Variants in CAMK4 observed in about 807,000 individuals in gnomAD.
The protein encoded by CAMK4 is calcium/calmodulin dependent protein kinase IV.
A neutral mutation model predicts 44.9 loss-of-function variants in CAMK4; 22 were observed. The observed-to-expected ratio is 0.49, with a 90% CI of 0.35 to 0.70. CAMK4 has a LOEUF of 0.70. CAMK4 is among the 30% of genes least tolerant of loss of function. CAMK4 has a pLI of 0.01. For missense variants in CAMK4, 498 were observed against 586.8 expected (o/e 0.85, Z 1.56); for synonymous variants, 218 against 215.4 (o/e 1.01, Z -0.11).
In CAMK4 at chr5:111,485,584, T is replaced by G. The variant is rs1755584678; in HGVS notation, c.*1118T>G. On this transcript the variant is annotated 3_prime_UTR_variant, in exon 11 of 11. Coordinates refer to ENST00000282356, the MANE Select transcript of CAMK4 (RefSeq NM_001744.6). ...ATATCACTTATAAACTAAAGTTATT[T>G]ATGAAAAGCTAGTATGTCTTTTTCT... 1 of 152,186 alleles carries G rather than the reference T, an allele frequency of 6.6e-6. No individual in the cohort carries two copies. Among genetic ancestry groups the G allele is most frequent in the Admixed American group, 6.5e-5 (1 of 15,272 alleles). The allele number at this position is 152,186 out of a possible 1,614,324, so 9.4% of individuals were successfully genotyped here.
intron 2 of CAMK4, 66 bp downstream of exon 2, chr5:111,344,168 A>AT: frequency 1.0e-6 from 1 of 981,088 alleles, no homozygotes; most frequent in East Asian, 2.4e-5. Flanking sequence ...CAGGAACCTG[A>AT]TTTGAAGAAC....
intron 5 of CAMK4, among the ~76,000 whole-genome samples, chr5:111,436,678 C>T (rs1476273893): frequency 6.6e-6 from 1 of 152,166 alleles, no homozygotes; most frequent in Non-Finnish European, 1.5e-5. Flanking sequence ...TTTGAACTTG[C>T]CCACTTCTCC....
At chr5:111,334,373 G>A (rs985988891) in intron 1 of CAMK4, among the ~76,000 whole-genome samples, 1 of 151,442 alleles carries the variant, frequency 6.6e-6, no homozygotes, top group African/African-American at 2.4e-5. Flanking sequence ...AAGCATTCTA[G>A]TGTTGAAGAG....
chr5:111,370,627 A>G (rs1750967574), intron 2 of CAMK4, among the ~76,000 whole-genome samples: 1 of 152,140 alleles, frequency 6.6e-6, no homozygotes, highest in Non-Finnish European at 1.5e-5. Flanking sequence ...TGATATTAGC[A>G]AGGAAATCCT....
chr5:111,375,255 A>T (rs1751171695), intron 3 of CAMK4, among the ~76,000 whole-genome samples: 1 of 152,196 alleles, frequency 6.6e-6, no homozygotes, highest in Non-Finnish European at 1.5e-5. Flanking sequence ...CATTACTGAA[A>T]AAGCCTGTGA....
At chr5:111,310,159 C>T (rs1179955710) in intron 1 of CAMK4, among the ~76,000 whole-genome samples, 1 of 152,108 alleles carries the variant, frequency 6.6e-6, no homozygotes, top group Non-Finnish European at 1.5e-5. Context: ...GCTCCTCCGT[C>T]ATGGCCACCT....
At chr5:111,324,975 AT>A (rs1286165009) in intron 1 of CAMK4, among the ~76,000 whole-genome samples, 2 of 151,412 alleles carry the variant, frequency 1.3e-5, no homozygotes, top group Non-Finnish European at 1.5e-5. Context: ...TGCATTAGGT[AT>A]TTTCCTAATG....
Position 111,424,434 on chromosome 5 carries a change from CTTTTTTTTTTTTT to C in CAMK4, c.460-22236_460-22224del, listed in dbSNP as rs34618322. On this transcript the variant is annotated intron_variant, in intron 5 of 10. Transcript: ENST00000282356. ...TATATGCATATATGCATCTTCTATT[CTTTTTTTTTTTTT>C]TTTTTTTTTTTTTTTGAGACAGAGT... Among the ~76,000 whole-genome samples the C allele has an allele frequency of 1.2e-4, 8 of 64,908 alleles. No homozygotes were observed. In the South Asian group the frequency reaches 5.0e-3, roughly 41 times the overall value. 42.6% of individuals were successfully genotyped at this position (64,908 alleles called of 152,430 possible).
intron 5 of CAMK4, among the ~76,000 whole-genome samples, chr5:111,420,618 G>T (rs1420012224): frequency 6.6e-6 from 1 of 152,126 alleles, no homozygotes; most frequent in African/African-American, 2.4e-5. Context: ...TTTCACCCCT[G>T]CAGTCTCGAC....
intron 1 of CAMK4, among the ~76,000 whole-genome samples, chr5:111,330,671 T>G (rs1466904261): frequency 6.6e-6 from 1 of 151,740 alleles, no homozygotes; most frequent in Non-Finnish European, 1.5e-5. Flanking sequence ...CCATTTTATA[T>G]AAGGGACTTG....
intron 5 of CAMK4, among the ~76,000 whole-genome samples, chr5:111,399,488 T>C (rs1341926502): frequency 6.6e-6 from 1 of 152,206 alleles, no homozygotes; most frequent in East Asian, 1.9e-4. Flanking sequence ...TATCTCTCCA[T>C]AAAAGTAGGA....
At chr5:111,420,614 C>A (rs1169901122) in intron 5 of CAMK4, among the ~76,000 whole-genome samples, 1 of 152,090 alleles carries the variant, frequency 6.6e-6, no homozygotes, top group Non-Finnish European at 1.5e-5. Context: ...TCTATTTCAC[C>A]CCTGCAGTCT....
intron 2 of CAMK4, among the ~76,000 whole-genome samples, chr5:111,350,221 G>A (rs114347689): frequency 2.9e-4 from 44 of 152,082 alleles, no homozygotes; most frequent in African/African-American, 9.6e-4. Flanking sequence ...CCACCACATA[G>A]GAAGCATGTA....
intron 1 of CAMK4, among the ~76,000 whole-genome samples, chr5:111,231,203 G>A (rs7704970): frequency 0.18 from 27,007 of 152,096 alleles, 2,437 homozygotes; most frequent in South Asian, 0.31. Context: ...TATCTTGTCA[G>A]TGGTAAAGAT....
intron 1 of CAMK4, among the ~76,000 whole-genome samples, chr5:111,258,241 TGA>T (rs1402305557): frequency 6.6e-6 from 1 of 152,170 alleles, no homozygotes; most frequent in Non-Finnish European, 1.5e-5. Context: ...ACAGATTTAA[TGA>T]GATATCATTG....
intron 5 of CAMK4, among the ~76,000 whole-genome samples, chr5:111,434,927 A>G (rs963813184): frequency 7.9e-5 from 12 of 152,180 alleles, no homozygotes; most frequent in African/African-American, 2.7e-4. Context: ...ACTTCCTCCT[A>G]CCAACTCCTG....
At chr5:111,379,422 A>C (rs757811165) in intron 4 of CAMK4, among the ~76,000 whole-genome samples, 1 of 152,186 alleles carries the variant, frequency 6.6e-6, no homozygotes, top group Admixed American at 6.6e-5. Flanking sequence ...CCTCTGAAGA[A>C]TGGCATACAG....
intron 5 of CAMK4, among the ~76,000 whole-genome samples, chr5:111,400,413 A>G (rs1752180718): frequency 6.6e-6 from 1 of 152,230 alleles, no homozygotes; most frequent in Non-Finnish European, 1.5e-5. Flanking sequence ...AATCAGTGGT[A>G]CATCTCACAT....
chr5:111,400,241 G>T (rs575930074), intron 5 of CAMK4, among the ~76,000 whole-genome samples: 1 of 151,864 alleles, frequency 6.6e-6, no homozygotes, highest in South Asian at 2.1e-4. Flanking sequence ...TGCAATTAAG[G>T]GTTAACTTAA....
Sources: allele counts gnomAD v4.1 joint callset (sites outside exome capture counted in the v4.1 genomes callset), GRCh38; gene constraint gnomAD v4.1.1; transcripts MANE v1.5; gene names NCBI Gene and HGNC (gene_info 2026-07-23, HGNC 2026-07-21).